Variants in CSMD1 observed in about 807,000 individuals in gnomAD.
CSMD1 encodes CUB and sushi domain-containing protein 1.
Under a neutral mutation model 417.5 loss-of-function variants are expected in CSMD1, and 213 were observed. The ratio of observed to expected loss-of-function variants is 0.51; its 90% CI spans 0.46 to 0.57. The LOEUF (loss-of-function observed/expected upper bound fraction) is 0.57. Among genes scored for constraint, CSMD1 ranks in the 20% least tolerant of loss-of-function variants. The pLI is 0.00. For missense variants in CSMD1, 6,923 were observed against 4,529.7 expected (o/e 1.53, Z -15.17); for synonymous variants, 2,862 against 1,736.8 (o/e 1.65, Z -16.11).
At chr8:4,596,810 C>G (rs554321265) in intron 2 of CSMD1, among the ~76,000 whole-genome samples, 3 of 152,146 alleles carry the variant, frequency 2.0e-5, no homozygotes, top group Non-Finnish European at 2.9e-5. Flanking sequence ...ACCAGAATAC[C>G]CACATATTGT....
chr8:4,429,771 C>T (rs1055174790), intron 2 of CSMD1, among the ~76,000 whole-genome samples: 4 of 152,144 alleles, frequency 2.6e-5, no homozygotes, highest in Non-Finnish European at 5.9e-5. Context: ...AAGTGCTCCA[C>T]CCGTATTTGT....
At chr8:3,178,399 T>C (rs1375407644) in intron 37 of CSMD1, among the ~76,000 whole-genome samples, 1 of 151,860 alleles carries the variant, frequency 6.6e-6, no homozygotes, top group East Asian at 1.9e-4. Flanking sequence ...AGCTCCTTGA[T>C]TCTCCAGACA....
Position 2,998,194 on chromosome 8 carries a change from G to A in CSMD1, c.8204-10C>T. 1 of 1,613,272 alleles carries A rather than the reference G, an allele frequency of 6.2e-7. No individual in the cohort carries two copies. The highest frequency in any genetic ancestry group is 8.5e-7 in the Non-Finnish European group (1 of 1,179,370). ...TGACCACATGTGATGGCTGTAGAGA[G>A]ACAGGTCAACGTCATTGTTAAATAT... On this transcript the variant is annotated splice_polypyrimidine_tract_variant and intron_variant, in intron 53 of 69. Coordinates refer to ENST00000635120, the MANE Select transcript of CSMD1 (RefSeq NM_033225.6).
intron 1 of CSMD1, among the ~76,000 whole-genome samples, chr8:4,792,393 C>A (rs755401790): frequency 6.6e-6 from 1 of 152,172 alleles, no homozygotes; most frequent in East Asian, 1.9e-4. Flanking sequence ...AGAGACATTT[C>A]GTCTTTTCAT....
intron 2 of CSMD1, among the ~76,000 whole-genome samples, chr8:4,449,361 T>TC (rs1428410768): frequency 2.6e-5 from 4 of 152,184 alleles, no homozygotes; most frequent in African/African-American, 9.7e-5. Context: ...TCTCTTTTTT[T>TC]CCAGAATGAT....
intron 1 of CSMD1, among the ~76,000 whole-genome samples, chr8:4,887,163 A>T (rs1585266300): frequency 6.6e-6 from 1 of 152,156 alleles, no homozygotes; most frequent in East Asian, 1.9e-4. Context: ...ATAAGATCTG[A>T]TATGTTCAGT....
At chr8:4,191,602 C>G (rs1482032909) in intron 3 of CSMD1, among the ~76,000 whole-genome samples, 1 of 152,010 alleles carries the variant, frequency 6.6e-6, no homozygotes, top group Non-Finnish European at 1.5e-5. Flanking sequence ...GCTGTTTAAG[C>G]TTTCTATGTT....
chr8:4,802,966 T>C (rs543939049), intron 1 of CSMD1, among the ~76,000 whole-genome samples: 28 of 152,360 alleles, frequency 1.8e-4, no homozygotes, highest in African/African-American at 6.3e-4. Context: ...CAAGAAATTA[T>C]ATTTTCAGAA....
intron 2 of CSMD1, among the ~76,000 whole-genome samples, chr8:4,574,660 T>C (rs1715884184): frequency 6.6e-6 from 1 of 152,202 alleles, no homozygotes. Context: ...TTCTGAATCT[T>C]TGAATTAGCT....
At chr8:4,101,543 T>G (rs150257721) in intron 3 of CSMD1, among the ~76,000 whole-genome samples, 2 of 152,156 alleles carry the variant, frequency 1.3e-5, no homozygotes, top group Admixed American at 6.5e-5. Context: ...ACCTAAAAAA[T>G]TATGGATGTG....
chr8:3,390,473 T>C (rs1304407242), intron 17 of CSMD1, among the ~76,000 whole-genome samples: 1 of 151,822 alleles, frequency 6.6e-6, no homozygotes, highest in Non-Finnish European at 1.5e-5. Context: ...ATTTACCTTG[T>C]GGGAAAGGTA....
At chr8:3,281,771 T>A (rs1304313896) in intron 26 of CSMD1, among the ~76,000 whole-genome samples, 1 of 152,186 alleles carries the variant, frequency 6.6e-6, no homozygotes, top group African/African-American at 2.4e-5. Context: ...TCCAAACTCA[T>A]TGATATGGTT....
chr8:3,004,384 T>C (rs967800582), intron 52 of CSMD1, among the ~76,000 whole-genome samples: 1 of 152,150 alleles, frequency 6.6e-6, no homozygotes, highest in Non-Finnish European at 1.5e-5. Flanking sequence ...TGTCAGAAAT[T>C]GTCCTATTAA....
At chr8:3,374,684 C>T (rs1405792710) in intron 18 of CSMD1, among the ~76,000 whole-genome samples, 2 of 152,136 alleles carry the variant, frequency 1.3e-5, no homozygotes, top group Non-Finnish European at 2.9e-5. Flanking sequence ...AGAAGCAACC[C>T]TATGGTAGCA....
chr8:4,249,006 T>C (rs1428483609), intron 3 of CSMD1, among the ~76,000 whole-genome samples: 1 of 152,206 alleles, frequency 6.6e-6, no homozygotes, highest in Non-Finnish European at 1.5e-5. Context: ...GACCATGTAT[T>C]TAATGAACTT....
At chr8:3,160,703 C>T (rs1479897910) in intron 38 of CSMD1, among the ~76,000 whole-genome samples, 2 of 152,172 alleles carry the variant, frequency 1.3e-5, no homozygotes, top group African/African-American at 4.8e-5. Flanking sequence ...CTAATAACAG[C>T]TACAATAGTT....
intron 2 of CSMD1, among the ~76,000 whole-genome samples, chr8:4,497,462 T>C (rs1802036474): frequency 6.6e-6 from 1 of 152,176 alleles, no homozygotes; most frequent in African/African-American, 2.4e-5. Flanking sequence ...CCAGGCCCAA[T>C]TGTGTTTCAC....
chr8:4,295,632 T>C (rs1249940419), intron 3 of CSMD1, among the ~76,000 whole-genome samples: 1 of 145,228 alleles, frequency 6.9e-6, no homozygotes, highest in Non-Finnish European at 1.5e-5. Flanking sequence ...TATATAAACA[T>C]ATATTCATAA....
At chr8:4,428,989 T>C (rs1176047274) in intron 2 of CSMD1, among the ~76,000 whole-genome samples, 7 of 152,018 alleles carry the variant, frequency 4.6e-5, no homozygotes, top group Admixed American at 2.0e-4. Context: ...GCTGGGAATA[T>C]AGGCATAAGG....
Sources: allele counts gnomAD v4.1 joint callset (sites outside exome capture counted in the v4.1 genomes callset), GRCh38; gene constraint gnomAD v4.1.1; transcripts MANE v1.5; gene names NCBI Gene and HGNC (gene_info 2026-07-23, HGNC 2026-07-21).